Variants in NRAP observed in about 807,000 individuals in gnomAD.
NRAP encodes nebulin related anchoring protein, also known as nebulin-related-anchoring protein.
NRAP carries 189 observed loss-of-function variants against 225.9 expected under a neutral mutation model. The observed-to-expected ratio is 0.84, with a 90% CI of 0.74 to 0.94. The LOEUF (loss-of-function observed/expected upper bound fraction) is 0.94, where lower values mean the gene tolerates loss of function less well. NRAP is among the 40% of genes least tolerant of loss of function. The pLI, the probability that NRAP is intolerant of heterozygous loss-of-function variation, is 0.00. For missense variants in NRAP, 2,176 were observed against 2,168.7 expected (o/e 1.00, Z -0.07); for synonymous variants, 769 against 790.7 (o/e 0.97, Z 0.46).
chr10:113,593,781 C>A (rs1846128895), intron 38 of NRAP, among the ~76,000 whole-genome samples: 1 of 152,190 alleles, frequency 6.6e-6, no homozygotes, highest in African/African-American at 2.4e-5. Context: ...AGGGGCACAC[C>A]ATGCCTTCCT....
intron 12 of NRAP, among the ~76,000 whole-genome samples, 171 bp downstream of exon 12, chr10:113,642,763 A>G (rs113657113): frequency 0.015 from 2,336 of 152,314 alleles, 32 homozygotes; most frequent in Non-Finnish European, 0.025. Flanking sequence ...ATTGAACACT[A>G]TGAGGACCAA....
rs777672448 is a variant in NRAP, at chr10:113,645,962, C to T, written c.994-21G>A. On this transcript the variant is annotated intron_variant, in intron 10 of 41. Coordinates refer to ENST00000359988, the MANE Select transcript of NRAP (RefSeq NM_198060.4). ...TTTATCTGAAAAAAAAAACACAAAA[C>T]GGGGCTGGAGTTGATGTTTCCATGC... 56 of 1,291,108 alleles carry T rather than the reference C, an allele frequency of 4.3e-5. No individual in the cohort carries two copies. The Middle Eastern group carries it at 5.6e-4, about 13-fold the overall frequency. The allele number at this position is 1,291,108 out of a possible 1,614,324, so 80.0% of individuals were successfully genotyped here.
Position 113,650,032 on chromosome 10 carries a change from C to T in NRAP, c.888+5G>A, listed in dbSNP as rs778588383. On this transcript the variant is annotated splice_donor_5th_base_variant and intron_variant, in intron 9 of 41. Transcript: ENST00000359988. ...AGCAGGTCAGGAGATCATTTTATCA[C>T]ATACCTGGCCATATTGGTCTGCACA... The T allele has an allele frequency of 7.9e-6, 12 of 1,524,922 alleles. No homozygotes were observed. The Middle Eastern group carries it at 8.5e-4, about 108-fold the overall frequency. 94.5% of individuals were successfully genotyped at this position (1,524,922 alleles called of 1,614,324 possible).
intron 14 of NRAP, among the ~76,000 whole-genome samples, chr10:113,634,605 G>A (rs1056428740): frequency 6.6e-6 from 1 of 152,204 alleles, no homozygotes; most frequent in African/African-American, 2.4e-5. Flanking sequence ...AACGGTGCTA[G>A]CAGAAGTGCA....
intron 32 of NRAP, among the ~76,000 whole-genome samples, chr10:113,606,733 T>A (rs1305339917): frequency 6.6e-6 from 1 of 152,162 alleles, no homozygotes; most frequent in Non-Finnish European, 1.5e-5. Flanking sequence ...CTGCCCTGGA[T>A]GGCCTCATCT....
Position 113,645,954 on chromosome 10 carries a change from A to AAT in NRAP, c.994-14_994-13insAT. 7.2e-7 allele frequency: 1 copy of AAT among 1,394,526 alleles called. No individual in the cohort carries two copies. Among genetic ancestry groups the AAT allele is most frequent in the South Asian group, 1.3e-5 (1 of 79,926 alleles). The allele number at this position is 1,394,526 out of a possible 1,614,324, so 86.4% of individuals were successfully genotyped here. On this transcript the variant is annotated splice_polypyrimidine_tract_variant and intron_variant, in intron 10 of 41. Coordinates refer to ENST00000359988, the MANE Select transcript of NRAP (RefSeq NM_198060.4). ...GCCTGTATTTTATCTGAAAAAAAAA[A>AAT]CACAAAACGGGGCTGGAGTTGATGT...
chr10:113,601,817 C>T (rs1020299950), intron 35 of NRAP, among the ~76,000 whole-genome samples: 4 of 151,846 alleles, frequency 2.6e-5, no homozygotes, highest in Non-Finnish European at 4.4e-5. Context: ...ATTTAAAAGC[C>T]ATTTTCCCAA....
chr10:113,590,448 T>C (rs1592713154), intron 40 of NRAP, 130 bp downstream of exon 40: 2 of 783,902 alleles, frequency 2.6e-6, no homozygotes, highest in Non-Finnish European at 4.0e-6. Context: ...GGCACTAAAG[T>C]GTTAGGTGTC....
rs757183477 is a variant in NRAP, at chr10:113,620,588, T to C, written c.2874+16A>G. The stretch of plus-strand genomic sequence containing the variant: ...TAATGCAGCCAGGCCTGTTACAGGC[T>C]GTCAGGAAATCTCACCTCGCTAATG... On this transcript the variant is annotated intron_variant, in intron 25 of 41. Coordinates refer to ENST00000359988, the MANE Select transcript of NRAP (RefSeq NM_198060.4). 4.0e-6 allele frequency: 6 copies of C among 1,511,976 alleles called. No individual in the cohort carries two copies. The South Asian group carries it at 5.6e-5, about 14-fold the overall frequency. The allele number at this position is 1,511,976 out of a possible 1,614,324, so 93.7% of individuals were successfully genotyped here. A position where few individuals can be genotyped will look rare whatever the true frequency, so the allele number is the denominator to read the frequency against.
At chr10:113,646,834 T>C (rs1849540819) in intron 10 of NRAP, 89 bp downstream of exon 10, 9 of 879,510 alleles carry the variant, frequency 1.0e-5, no homozygotes, top group Non-Finnish European at 1.7e-5. Flanking sequence ...CTATAATAAA[T>C]GTATCTGTGT....
chr10:113,645,496 C>T (rs149891409), intron 11 of NRAP, among the ~76,000 whole-genome samples: 6 of 152,282 alleles, frequency 3.9e-5, no homozygotes, highest in South Asian at 4.1e-4. Flanking sequence ...CGGCTCACCG[C>T]GACCTCCGCC....
At chr10:113,613,707 C>T (rs1847465464) in intron 29 of NRAP, among the ~76,000 whole-genome samples, 1 of 152,166 alleles carries the variant, frequency 6.6e-6, no homozygotes, top group Admixed American at 6.5e-5. Flanking sequence ...AGGAGGGTGG[C>T]TGCCTGGCCC....
chr10:113,635,032 G>A (rs1002850576), intron 14 of NRAP, among the ~76,000 whole-genome samples: 1 of 152,188 alleles, frequency 6.6e-6, no homozygotes, highest in African/African-American at 2.4e-5. Context: ...TTCAAAAGAG[G>A]AGGAGGCAGA....
intron 24 of NRAP, among the ~76,000 whole-genome samples, chr10:113,621,582 T>TC (rs1458647389): frequency 1.3e-5 from 2 of 151,570 alleles, no homozygotes; most frequent in African/African-American, 4.9e-5. Flanking sequence ...CAAAGATACC[T>TC]CCCCCCTGGC....
At chr10:113,631,320 A>AT (rs1479066660) in intron 18 of NRAP, among the ~76,000 whole-genome samples, 189 bp downstream of exon 18, 5 of 151,914 alleles carry the variant, frequency 3.3e-5, no homozygotes, top group Non-Finnish European at 7.3e-5. Flanking sequence ...CTCCTTATCT[A>AT]TTTAAAAAAA....
At chr10:113,589,306 TAG>T in intron 41 of NRAP, 1 of 579,138 alleles carries the variant, frequency 1.7e-6, no homozygotes, top group Non-Finnish European at 3.0e-6. Context: ...CTGAACAAAG[TAG>T]GGTTCAAAAT....
At chr10:113,594,783 T>C (rs1316640277) in intron 38 of NRAP, among the ~76,000 whole-genome samples, 3 of 152,184 alleles carry the variant, frequency 2.0e-5, no homozygotes, top group African/African-American at 7.2e-5. Context: ...CTCTCGCCAA[T>C]CCCTGCAAGG....
At chr10:113,590,150 G>C (rs1415972374) in intron 40 of NRAP, among the ~76,000 whole-genome samples, 1 of 152,180 alleles carries the variant, frequency 6.6e-6, no homozygotes, top group African/African-American at 2.4e-5. Flanking sequence ...AAGTGCAAAG[G>C]CTGGGTTAAT....
At chr10:113,614,989 G>T (rs778974254) in intron 27 of NRAP, 43 bp from the exon 28 acceptor site, 54 of 1,183,854 alleles carry the variant, frequency 4.6e-5, no homozygotes, top group Non-Finnish European at 6.7e-5. Flanking sequence ...TAAGTGACCT[G>T]GTGGTTTCCT....
Sources: gnomAD v4.1 joint callset for allele counts (sites outside exome capture counted in the v4.1 genomes callset) on GRCh38, gnomAD v4.1.1 for gene constraint, MANE v1.5 for transcripts, NCBI Gene and HGNC (gene_info 2026-07-23, HGNC 2026-07-21) for gene names.